Variants in NEXMIF observed in about 807,000 individuals in gnomAD.
The protein encoded by NEXMIF is XLMR protein related to neurite extension.
A neutral mutation model predicts 62.1 loss-of-function variants in NEXMIF; 8 were observed. The observed-to-expected ratio is 0.13, with a 90% confidence interval of 0.08 to 0.23. The LOEUF is 0.23. Among genes scored for constraint, NEXMIF ranks in the 10% least tolerant of loss-of-function variants. NEXMIF has a pLI of 1.00. For missense variants in NEXMIF, 976 were observed against 1,113.3 expected, an observed-to-expected ratio of 0.88 and a Z score of 1.75; for synonymous variants, 404 against 416.6, an observed-to-expected ratio of 0.97 and a Z score of 0.37.
chrX:74,886,959 C>T (rs371477214), intron 1 of NEXMIF, among the ~76,000 whole-genome samples: 6 of 110,515 alleles, frequency 5.4e-5, no homozygotes, highest in East Asian at 2.8e-4. Flanking sequence ...GAGATATAGA[C>T]CAATGGAACA....
chrX:74,872,857 T>C (rs901831221), intron 1 of NEXMIF, among the ~76,000 whole-genome samples: 1 of 110,092 alleles, frequency 9.1e-6, no homozygotes, highest in Non-Finnish European at 1.9e-5. Flanking sequence ...AATATTATAA[T>C]GGAGTAGAAA....
intron 1 of NEXMIF, among the ~76,000 whole-genome samples, chrX:74,788,200 C>A (rs1348678430): frequency 8.9e-6 from 1 of 111,737 alleles, no homozygotes; most frequent in Non-Finnish European, 1.9e-5. Context: ...AAATTACCCA[C>A]CCACTAAGTT....
At chrX:74,795,038 T>C (rs1367127948) in intron 1 of NEXMIF, among the ~76,000 whole-genome samples, 2 of 112,086 alleles carry the variant, frequency 1.8e-5, no homozygotes, top group Non-Finnish European at 3.8e-5. Flanking sequence ...ACATGGAATA[T>C]GGTGTGAGAG....
Position 74,762,220 on chromosome X carries a change from G to T in NEXMIF, c.-47-16523C>A, listed in dbSNP as rs749728086. On this transcript the variant is annotated intron_variant, in intron 1 of 3. Coordinates refer to ENST00000055682, the MANE Select transcript of NEXMIF (RefSeq NM_001008537.3). ...CTATGAGTGAGAACATGCGGTGTTTGGTTTTTTGTCCTTGTGATAGTTTGC... is the reference window on the plus strand; with the variant it reads ...CTATGAGTGAGAACATGCGGTGTTTTGTTTTTTGTCCTTGTGATAGTTTGC... Among the ~76,000 whole-genome samples, 11 of 106,746 alleles carry T rather than the reference G, an allele frequency of 1.0e-4. No individual in the cohort carries two copies. In the South Asian group the frequency reaches 4.4e-3, roughly 43 times the overall value. 92.7% of individuals were successfully genotyped at this position (106,746 alleles called of 115,157 possible).
intron 1 of NEXMIF, among the ~76,000 whole-genome samples, chrX:74,792,186 A>C (rs1370270836): frequency 5.9e-4 from 66 of 110,949 alleles, no homozygotes; most frequent in Non-Finnish European, 9.3e-4. Context: ...CTTTGTTCTC[A>C]TTGGTTTCAA....
At chrX:74,791,349 C>T (rs1227128698) in intron 1 of NEXMIF, among the ~76,000 whole-genome samples, 141 of 111,326 alleles carry the variant, frequency 1.3e-3, no homozygotes, top group Non-Finnish European at 1.7e-3. Flanking sequence ...GCTGGATAAG[C>T]TTTTTGATGT....
intron 1 of NEXMIF, among the ~76,000 whole-genome samples, chrX:74,760,845 T>TTG (rs2080173678): frequency 1.3e-4 from 1 of 7,764 alleles, no homozygotes; most frequent in Non-Finnish European, 4.2e-4. Context: ...CCCTAAGATT[T>TTG]ATTTATTTAT....
intron 1 of NEXMIF, among the ~76,000 whole-genome samples, chrX:74,762,808 G>A (rs2080181285): frequency 9.0e-6 from 1 of 111,441 alleles, no homozygotes; most frequent in Admixed American, 9.5e-5. Context: ...TTTTGATGGG[G>A]TTGTTTGTTT....
chrX:74,879,135 T>C (rs1463852815), intron 1 of NEXMIF, among the ~76,000 whole-genome samples: 2 of 112,633 alleles, frequency 1.8e-5, no homozygotes, highest in African/African-American at 6.4e-5. Flanking sequence ...CCATAGGCTA[T>C]ACCACATAGC....
intron 1 of NEXMIF, among the ~76,000 whole-genome samples, chrX:74,885,445 T>G (rs925028423): frequency 7.2e-5 from 8 of 110,822 alleles, no homozygotes; most frequent in Middle Eastern, 4.7e-3. Flanking sequence ...ATAGACGCAA[T>G]AAAAAATGAC....
At chrX:74,791,996 T>C (rs1295702739) in intron 1 of NEXMIF, among the ~76,000 whole-genome samples, 1 of 110,557 alleles carries the variant, frequency 9.0e-6, no homozygotes, top group Non-Finnish European at 1.9e-5. Context: ...CTGATCTTAG[T>C]TATTTCTTGC....
At chrX:74,887,273 T>C (rs1352345384) in intron 1 of NEXMIF, among the ~76,000 whole-genome samples, 1 of 110,889 alleles carries the variant, frequency 9.0e-6, no homozygotes, top group Non-Finnish European at 1.9e-5. Context: ...CCAAAAGCAA[T>C]GGCAGCAAAA....
Position 74,743,358 on chromosome X carries a change from C to T in NEXMIF, c.1199G>A (p.Gly400Glu), listed in dbSNP as rs2080114059. ...QEDKGVEKKD[G>E]KDNGEKPALN... is the part of the protein sequence containing the mutation. ...GGCAGGCTTTTCTCCATTATCCTTT[C>T]CATCTTTCTTCTCTACACCTTTGTC... The change falls in exon 3 of 4, where the codon GGA (glycine) becomes GAA (glutamate). Residue 400 changes from glycine (G) to glutamate (E), a missense_variant. Transcript: ENST00000055682. 8.3e-7 allele frequency: 1 copy of T among 1,209,563 alleles called. No homozygotes were observed. The highest frequency in any genetic ancestry group is 1.8e-5 in the African/African-American group (1 of 57,045).
chrX:74,828,236 A>G (rs371605836), intron 1 of NEXMIF, among the ~76,000 whole-genome samples: 2 of 111,665 alleles, frequency 1.8e-5, no homozygotes, highest in East Asian at 2.8e-4. Flanking sequence ...TGAGCGAATA[A>G]TCTCCAAGGG....
intron 1 of NEXMIF, among the ~76,000 whole-genome samples, chrX:74,831,012 C>T (rs1036545124): frequency 2.0e-4 from 22 of 110,401 alleles, no homozygotes; most frequent in African/African-American, 6.9e-4. Context: ...GATACTTTGA[C>T]TTCTTCCTTT....
At chrX:74,896,870 T>TGC (rs1475230293) in intron 1 of NEXMIF, among the ~76,000 whole-genome samples, 1 of 112,119 alleles carries the variant, frequency 8.9e-6, no homozygotes, top group African/African-American at 3.2e-5. Flanking sequence ...CAAAGCTAGC[T>TGC]GCCTAATATC....
intron 1 of NEXMIF, among the ~76,000 whole-genome samples, chrX:74,779,975 A>G (rs912691687): frequency 2.7e-5 from 3 of 111,304 alleles, no homozygotes; most frequent in Non-Finnish European, 5.7e-5. Flanking sequence ...ATACTTGGAA[A>G]TGGCTGGGGG....
In NEXMIF at chrX:74,761,343, G is replaced by A. The variant is rs188415303; in HGVS notation, c.-47-15646C>T. On this transcript the variant is annotated intron_variant, in intron 1 of 3. Transcript: ENST00000055682. ...AAGAACTTGGCTGTGAATCGACCTG[G>A]TCCTGGGCAATTTTTCAGTTGGTAG... 4.6e-4 allele frequency among the ~76,000 whole-genome samples: 51 copies of A among 111,637 alleles called. No individual in the cohort carries two copies. The East Asian group carries it at 8.5e-3, about 19-fold the overall frequency.
chrX:74,881,311 G>A (rs1184194555), intron 1 of NEXMIF, among the ~76,000 whole-genome samples: 4 of 109,282 alleles, frequency 3.7e-5, no homozygotes, highest in Non-Finnish European at 7.6e-5. Context: ...TCATAGCACA[G>A]TGATACTCTT....
Sources: allele counts gnomAD v4.1 joint callset (sites outside exome capture counted in the v4.1 genomes callset), GRCh38; gene constraint gnomAD v4.1.1; transcripts MANE v1.5; gene names NCBI Gene and HGNC (gene_info 2026-07-23, HGNC 2026-07-21).